The following PPARGC1A variants were observed in gnomAD, a reference collection of about 807,000 sequenced individuals.
PPARGC1A encodes the protein peroxisome proliferator-activated receptor gamma coactivator 1-alpha.
A neutral mutation model predicts 88.7 loss-of-function variants in PPARGC1A; 25 were observed. That is an observed-to-expected ratio of 0.28 (90% CI 0.21 to 0.39). PPARGC1A has a LOEUF of 0.39. PPARGC1A is among the 10% of genes least tolerant of loss of function. PPARGC1A has a pLI of 1.00. For synonymous variants in PPARGC1A, 363 were observed against 355.6 expected (o/e 1.02, Z -0.24); for missense variants, 880 against 968.7 (o/e 0.91, Z 1.22).
chr4:23,895,517 C>A (rs756608772), intron 1 of PPARGC1A, among the ~76,000 whole-genome samples: 8 of 151,894 alleles, frequency 5.3e-5, no homozygotes, highest in Non-Finnish European at 1.2e-4. Flanking sequence ...TCTTAAGAAG[C>A]AATTAGCTTT....
intron 7 of PPARGC1A, chr4:23,820,670 A>C: frequency 2.3e-6 from 1 of 433,932 alleles, no homozygotes; most frequent in Non-Finnish European, 4.6e-6. Context: ...TTATCAGCCA[A>C]AATGAGCTAG....
chr4:24,444,538 A>G, the PPARGC1A span, among the ~76,000 whole-genome samples: 1 of 152,232 alleles, frequency 6.6e-6, no homozygotes, highest in South Asian at 2.1e-4. Flanking sequence ...CAAAGAGCCT[A>G]CAGTCTGGAC....
the PPARGC1A span, among the ~76,000 whole-genome samples, chr4:24,460,314 C>A: frequency 6.6e-6 from 1 of 152,112 alleles, no homozygotes; most frequent in Non-Finnish European, 1.5e-5. Flanking sequence ...TTTCAGCCGG[C>A]GAACTGTTCT....
the PPARGC1A span, among the ~76,000 whole-genome samples, chr4:24,444,902 A>T: frequency 1.3e-5 from 2 of 152,082 alleles, no homozygotes; most frequent in African/African-American, 4.8e-5. Context: ...AAGTTGTAAA[A>T]ATTAGCTGGA....
chr4:24,152,896 T>A, the PPARGC1A span, among the ~76,000 whole-genome samples: 1 of 152,252 alleles, frequency 6.6e-6, no homozygotes, highest in Non-Finnish European at 1.5e-5. Context: ...TCACCTTGTT[T>A]GCCACTCAGC....
chr4:24,461,513 C>T, the PPARGC1A span, among the ~76,000 whole-genome samples: 1 of 151,954 alleles, frequency 6.6e-6, no homozygotes, highest in South Asian at 2.1e-4. Flanking sequence ...GTGAAGATGA[C>T]GTGTGTATGG....
chr4:24,437,765 G>A, the PPARGC1A span, among the ~76,000 whole-genome samples: 2 of 151,884 alleles, frequency 1.3e-5, no homozygotes. Flanking sequence ...CACCTCCCAG[G>A]TTCAAGTGGG....
the PPARGC1A span, among the ~76,000 whole-genome samples, chr4:24,145,039 T>G: frequency 6.6e-6 from 1 of 151,864 alleles, no homozygotes; most frequent in African/African-American, 2.4e-5. Flanking sequence ...TTCTGCAGTT[T>G]CAAGCACATC....
At chr4:23,813,167 C>T (rs770323252) in intron 8 of PPARGC1A, 42 bp from the exon 9 acceptor site, 47 of 1,549,968 alleles carry the variant, frequency 3.0e-5, no homozygotes, top group Non-Finnish European at 4.1e-5. Context: ...TTGCAACTGC[C>T]ACTTAACCCA....
chr4:24,050,932 A>G, the PPARGC1A span, among the ~76,000 whole-genome samples: 7 of 152,144 alleles, frequency 4.6e-5, no homozygotes, highest in Non-Finnish European at 8.8e-5. Context: ...TCACGCCTGT[A>G]ATCCCAGCAC....
the PPARGC1A span, among the ~76,000 whole-genome samples, chr4:24,057,568 T>C: frequency 2.0e-3 from 300 of 152,164 alleles, 5 homozygotes; most frequent in East Asian, 0.035. Context: ...ACTGTAATCA[T>C]TTACTGAATG....
the PPARGC1A span, among the ~76,000 whole-genome samples, chr4:24,180,508 T>C: frequency 1.3e-5 from 2 of 152,198 alleles, no homozygotes; most frequent in Admixed American, 1.3e-4. Context: ...TACCTTTGGT[T>C]CTCAGCTATA....
the PPARGC1A span, among the ~76,000 whole-genome samples, chr4:24,195,452 AT>A: frequency 6.6e-6 from 1 of 152,160 alleles, no homozygotes; most frequent in Non-Finnish European, 1.5e-5. Context: ...ACTTACCTCA[AT>A]TTTTTGTGAG....
the PPARGC1A span, among the ~76,000 whole-genome samples, chr4:24,095,355 G>C: frequency 2.0e-5 from 3 of 151,988 alleles, no homozygotes; most frequent in African/African-American, 7.3e-5. Flanking sequence ...GACCTCAAGT[G>C]ATCTGCCCGC....
the PPARGC1A span, among the ~76,000 whole-genome samples, chr4:24,305,133 G>GTGTATATATA: frequency 6.3e-5 from 9 of 142,912 alleles, no homozygotes; most frequent in East Asian, 8.3e-4. Flanking sequence ...ATATGTGTAT[G>GTGTATATATA]TATATATATA....
chr4:24,243,257 G>A, the PPARGC1A span, among the ~76,000 whole-genome samples: 1 of 152,056 alleles, frequency 6.6e-6, no homozygotes, highest in Non-Finnish European at 1.5e-5. Context: ...ATTAATATTT[G>A]GAACCCAGCA....
intron 2 of PPARGC1A, among the ~76,000 whole-genome samples, chr4:23,866,682 G>C (rs923707213): frequency 1.3e-5 from 2 of 152,158 alleles, no homozygotes; most frequent in African/African-American, 4.8e-5. Flanking sequence ...GCAGGCACTA[G>C]AGAATTATCT....
chr4:23,984,009 GTATT>G, the PPARGC1A span, among the ~76,000 whole-genome samples: 1 of 151,922 alleles, frequency 6.6e-6, no homozygotes, highest in Non-Finnish European at 1.5e-5. Context: ...ATTCTTTTAT[GTATT>G]TAGTCATTTA....
the PPARGC1A span, among the ~76,000 whole-genome samples, chr4:24,178,957 G>A: frequency 5.3e-5 from 8 of 152,072 alleles, no homozygotes; most frequent in East Asian, 1.9e-4. Flanking sequence ...AACCTATTCC[G>A]TATTCTTCAC....
Sources: allele counts gnomAD v4.1 joint callset (sites outside exome capture counted in the v4.1 genomes callset), GRCh38; gene constraint gnomAD v4.1.1; transcripts MANE v1.5; gene names NCBI Gene and HGNC (gene_info 2026-07-23, HGNC 2026-07-21).